The following EFL1 variants were observed in gnomAD, a reference collection of about 807,000 sequenced individuals.
EFL1 encodes the protein elongation factor-like GTPase 1.
A neutral mutation model predicts 126.7 loss-of-function variants in EFL1; 76 were observed. The ratio of observed to expected loss-of-function variants is 0.60; its 90% CI spans 0.50 to 0.73. EFL1 has a LOEUF of 0.73. EFL1 is among the 30% of genes least tolerant of loss of function. The pLI is 0.00. For missense variants in EFL1, 1,128 were observed against 1,343.2 expected, an observed-to-expected ratio of 0.84 and a Z score of 2.50; for synonymous variants, 410 against 448.4, an observed-to-expected ratio of 0.91 and a Z score of 1.08.
intron 12 of EFL1, 48 bp from the exon 13 acceptor site, chr15:82,220,277 G>A: frequency 6.6e-7 from 1 of 1,525,268 alleles, no homozygotes; most frequent in Non-Finnish European, 8.8e-7. Flanking sequence ...CATCCAAGTA[G>A]GGAAACAGCA....
intron 14 of EFL1, among the ~76,000 whole-genome samples, chr15:82,217,911 A>T (rs2074668126): frequency 1.3e-5 from 2 of 152,212 alleles, no homozygotes; most frequent in African/African-American, 2.4e-5. Context: ...CAAGTTGGGA[A>T]GGTCCATATG....
At chr15:82,147,680 G>GA (rs977812844) in intron 18 of EFL1, among the ~76,000 whole-genome samples, 4 of 148,670 alleles carry the variant, frequency 2.7e-5, no homozygotes, top group East Asian at 2.0e-4. Context: ...AGAGGGACAG[G>GA]AAAAAAAATA....
intron 16 of EFL1, among the ~76,000 whole-genome samples, chr15:82,159,109 G>C (rs1389522221): frequency 2.0e-5 from 3 of 152,062 alleles, no homozygotes; most frequent in Non-Finnish European, 4.4e-5. Context: ...TGTGTCCAGG[G>C]TTGACAGAGG....
intron 4 of EFL1, among the ~76,000 whole-genome samples, chr15:82,252,313 G>A (rs1440036402): frequency 6.6e-6 from 1 of 152,218 alleles, no homozygotes; most frequent in Non-Finnish European, 1.5e-5. Context: ...TTTGAGGACA[G>A]CAAGCTGGTA....
chr15:82,161,202 C>A (rs1031609475), intron 16 of EFL1, among the ~76,000 whole-genome samples: 8 of 151,824 alleles, frequency 5.3e-5, no homozygotes, highest in African/African-American at 1.9e-4. Context: ...AAAGAGAGGA[C>A]ATGGGGATAC....
chr15:82,228,348 G>A lies in EFL1; in HGVS notation c.933-21C>T, dbSNP rs771189076. 1.6e-5 allele frequency: 25 copies of A among 1,610,392 alleles called. No homozygotes were observed. The Admixed American group carries it at 2.4e-4, about 15-fold the overall frequency. On this transcript the variant is annotated intron_variant, in intron 9 of 19. Transcript: ENST00000268206. ...TGTCCCTGTGGTAAACACAAGATTG[G>A]AGAGGGGAAATGTCATATGCAGATA...
At chr15:82,237,887 C>T (rs2074890697) in intron 7 of EFL1, among the ~76,000 whole-genome samples, 1 of 152,032 alleles carries the variant, frequency 6.6e-6, no homozygotes, top group Non-Finnish European at 1.5e-5. Flanking sequence ...TCTAGAGAAT[C>T]ATGCTAAGTG....
intron 7 of EFL1, among the ~76,000 whole-genome samples, chr15:82,231,697 A>G (rs1306563786): frequency 1.3e-5 from 2 of 151,744 alleles, no homozygotes; most frequent in African/African-American, 4.8e-5. Context: ...TTTTTTCCAC[A>G]CCATACTGAA....
intron 15 of EFL1, among the ~76,000 whole-genome samples, chr15:82,200,556 G>C (rs2074456921): frequency 6.7e-6 from 1 of 148,478 alleles, no homozygotes; most frequent in East Asian, 2.0e-4. Flanking sequence ...GAATATTTCT[G>C]CTTCTCTTAA....
intron 7 of EFL1, among the ~76,000 whole-genome samples, chr15:82,233,212 C>T (rs1411606263): frequency 6.6e-6 from 1 of 152,134 alleles, no homozygotes; most frequent in East Asian, 1.9e-4. Context: ...GTAGTTACTA[C>T]AAAATTTGCT....
intron 15 of EFL1, among the ~76,000 whole-genome samples, chr15:82,170,176 G>C (rs918462778): frequency 6.9e-6 from 1 of 145,786 alleles, no homozygotes; most frequent in African/African-American, 2.5e-5. Flanking sequence ...GTGCAGTGGC[G>C]GGATCTCGGC....
At position 82,262,670 on chromosome 15, in the gene EFL1, A is replaced by T. The variant is rs1202136389; in HGVS notation, c.-76T>A. 1.9e-6 allele frequency: 1 copy of T among 537,730 alleles called. No homozygotes were observed. Among genetic ancestry groups the T allele is most frequent in the Non-Finnish European group, 3.2e-6 (1 of 309,116 alleles). 33.3% of individuals were successfully genotyped at this position (537,730 alleles called of 1,614,324 possible). On this transcript the variant is annotated 5_prime_UTR_variant, in exon 1 of 20. Coordinates refer to ENST00000268206, the MANE Select transcript of EFL1 (RefSeq NM_024580.6). ...TCTCTCGGGTCGCACCCACACCGAG[A>T]GCTTCCGAAAGTCCGAGAGCTCTGC...
chr15:82,212,819 T>C (rs532012235), intron 15 of EFL1, among the ~76,000 whole-genome samples: 105 of 152,272 alleles, frequency 6.9e-4, no homozygotes, highest in African/African-American at 2.2e-3. Flanking sequence ...AGAGGATATA[T>C]GACAAAATTA....
At chr15:82,165,575 T>G (rs2074070911) in intron 15 of EFL1, among the ~76,000 whole-genome samples, 1 of 152,180 alleles carries the variant, frequency 6.6e-6, no homozygotes, top group Admixed American at 6.5e-5. Flanking sequence ...CCACTAGAAT[T>G]TATCACCTCG....
intron 4 of EFL1, among the ~76,000 whole-genome samples, chr15:82,252,367 G>A (rs2075030280): frequency 6.6e-6 from 1 of 152,194 alleles, no homozygotes; most frequent in Non-Finnish European, 1.5e-5. Flanking sequence ...AATCTAACAT[G>A]CAGGCCAGGC....
At chr15:82,194,951 ATAAACT>A (rs555332852) in intron 15 of EFL1, among the ~76,000 whole-genome samples, 25 of 152,376 alleles carry the variant, frequency 1.6e-4, no homozygotes, top group Admixed American at 1.0e-3. Flanking sequence ...ATATTTTAAA[ATAAACT>A]TAAACTTGGT....
At chr15:82,131,384 T>C (rs111973187) in intron 19 of EFL1, among the ~76,000 whole-genome samples, 106 of 152,270 alleles carry the variant, frequency 7.0e-4, no homozygotes, top group African/African-American at 2.5e-3. Context: ...CTCAATCTCC[T>C]GGGCTCAAGT....
At chr15:82,179,341 AT>A (rs1024886303) in intron 15 of EFL1, among the ~76,000 whole-genome samples, 5 of 151,828 alleles carry the variant, frequency 3.3e-5, no homozygotes, top group Admixed American at 2.0e-4. Flanking sequence ...GTTAACATGA[AT>A]TTTTTTTTAA....
Position 82,219,718 on chromosome 15 carries a change from C to T in EFL1, c.1545G>A (p.Val515=). 1.9e-6 allele frequency: 3 copies of T among 1,613,944 alleles called. No homozygotes were observed. Among genetic ancestry groups the T allele is most frequent in the Non-Finnish European group, 2.5e-6 (3 of 1,179,922 alleles). Residue 515 remains valine (V), a synonymous_variant, in exon 14 of 20, where the codon GTG becomes GTA. Coordinates refer to ENST00000268206, the MANE Select transcript of EFL1 (RefSeq NM_024580.6). ...FIAFARVFSG[V]ARRGKKIFVL... The stretch of plus-strand genomic sequence containing the variant: ...CAAAAATTTTCTTTCCTCTTCGAGC[C>T]ACACCACTGAACACCCGAGCAAATG...
Sources: allele counts gnomAD v4.1 joint callset (sites outside exome capture counted in the v4.1 genomes callset), GRCh38; gene constraint gnomAD v4.1.1; transcripts MANE v1.5; gene names NCBI Gene and HGNC (gene_info 2026-07-23, HGNC 2026-07-21).